Variants in IGSF11 observed in about 807,000 individuals in gnomAD.
IGSF11 encodes CXADR like 1.
Under a neutral mutation model 41.0 loss-of-function variants are expected in IGSF11, and 22 were observed. The observed-to-expected ratio is 0.54, with a 90% CI of 0.38 to 0.77. The LOEUF (loss-of-function observed/expected upper bound fraction) is 0.77. Among genes scored for constraint, IGSF11 ranks in the 30% least tolerant of loss-of-function variants. The probability of loss-of-function intolerance (pLI) is 0.00; values close to 1 mark genes in which losing one functional copy is unlikely to be tolerated. For synonymous variants in IGSF11, 219 were observed against 201.3 expected (o/e 1.09, Z -0.74); for missense variants, 444 against 530.8 (o/e 0.84, Z 1.61).
intron 1 of IGSF11, among the ~76,000 whole-genome samples, chr3:118,937,247 C>A (rs1354785315): frequency 6.6e-6 from 1 of 152,114 alleles, no homozygotes; most frequent in African/African-American, 2.4e-5. Context: ...GTATTTCTCA[C>A]ATAAATACAT....
At chr3:118,987,103 T>A (rs1935331801) in intron 1 of IGSF11, among the ~76,000 whole-genome samples, 1 of 152,186 alleles carries the variant, frequency 6.6e-6, no homozygotes, top group Non-Finnish European at 1.5e-5. Flanking sequence ...GTTAAATCCA[T>A]CACCATCCTT....
At chr3:119,035,903 C>T (rs534001678), upstream of IGSF11, among the ~76,000 whole-genome samples, 1 of 152,186 alleles carries the variant, frequency 6.6e-6, no homozygotes, top group South Asian at 2.1e-4. Flanking sequence ...AGAAATTGAG[C>T]CCTCATCTGG....
At chr3:118,971,199 T>C (rs1221883649) in intron 1 of IGSF11, among the ~76,000 whole-genome samples, 1 of 152,188 alleles carries the variant, frequency 6.6e-6, no homozygotes, top group East Asian at 1.9e-4. Context: ...ACGCTGTATT[T>C]ACAGGGGCAG....
In IGSF11 at chr3:119,006,464, C is replaced by T. The variant is rs538562543; in HGVS notation, c.52+28067G>A. ...CGTCTGAAGCCTTCTTCTCTCAGCT[C>T]GTCAAAATCATTCTCCATCCAGCTT... On this transcript the variant is annotated intron_variant, in intron 1 of 6. Transcript: ENST00000393775. 8.9e-4 allele frequency among the ~76,000 whole-genome samples: 113 copies of T among 126,702 alleles called. 1 individual carries two copies. The highest frequency in any genetic ancestry group is 3.6e-3 in the Middle Eastern group (1 of 278). The allele number at this position is 126,702 out of a possible 152,430, so 83.1% of individuals were successfully genotyped here.
chr3:118,998,880 T>C (rs1559764470), intron 1 of IGSF11, among the ~76,000 whole-genome samples: 1 of 152,146 alleles, frequency 6.6e-6, no homozygotes, highest in Non-Finnish European at 1.5e-5. Flanking sequence ...ACAAAGTTAT[T>C]CATTTTGGCA....
intron 1 of IGSF11, among the ~76,000 whole-genome samples, chr3:119,141,620 T>C (rs1427263543): frequency 1.3e-5 from 2 of 148,832 alleles, no homozygotes; most frequent in East Asian, 3.9e-4. Flanking sequence ...ATCTAATATA[T>C]TAGATACATT....
intron 1 of IGSF11, among the ~76,000 whole-genome samples, chr3:119,046,967 G>A (rs1339053415): frequency 7.0e-6 from 1 of 143,594 alleles, no homozygotes; most frequent in South Asian, 2.4e-4. Context: ...GTCAACACCA[G>A]GCCTGCCCTA....
chr3:118,944,457 TACACAC>T (rs3079206), intron 1 of IGSF11, among the ~76,000 whole-genome samples: 17,401 of 125,490 alleles, frequency 0.14, 1,624 homozygotes, highest in African/African-American at 0.28. Flanking sequence ...TAGCTTGAAA[TACACAC>T]ACACACACAC....
chr3:119,107,411 T>G (rs1327774909), upstream of IGSF11, among the ~76,000 whole-genome samples: 1 of 152,368 alleles, frequency 6.6e-6, no homozygotes, highest in African/African-American at 2.4e-5. Flanking sequence ...GTTCATATCC[T>G]TCACCCACTT....
upstream of IGSF11, among the ~76,000 whole-genome samples, chr3:119,105,742 T>C (rs567049850): frequency 1.4e-4 from 22 of 152,278 alleles, no homozygotes; most frequent in African/African-American, 4.1e-4. Flanking sequence ...ACTGATTTTT[T>C]TCCTCAATCT....
intron 1 of IGSF11, among the ~76,000 whole-genome samples, chr3:118,968,857 C>A (rs769131894): frequency 6.6e-6 from 1 of 152,190 alleles, no homozygotes; most frequent in Non-Finnish European, 1.5e-5. Context: ...TTGTCAGAGA[C>A]GGGAACAGTG....
At chr3:119,145,783 G>A (rs1426463122) in intron 1 of IGSF11, 5 of 170,880 alleles carry the variant, frequency 2.9e-5, no homozygotes, top group South Asian at 1.5e-4. Flanking sequence ...TTGGAGGTGC[G>A]GTGGGGGATG....
intron 1 of IGSF11, among the ~76,000 whole-genome samples, chr3:118,975,732 C>G (rs1486809095): frequency 6.6e-6 from 1 of 152,204 alleles, no homozygotes; most frequent in African/African-American, 2.4e-5. Flanking sequence ...ATGGACGCAG[C>G]TGGAGGCCAT....
chr3:119,063,157 A>G (rs1942106885), intron 1 of IGSF11, among the ~76,000 whole-genome samples: 1 of 152,174 alleles, frequency 6.6e-6, no homozygotes, highest in African/African-American at 2.4e-5. Context: ...CTAGTGGAAA[A>G]GGCAGAAATT....
intron 1 of IGSF11, among the ~76,000 whole-genome samples, chr3:119,045,854 T>G (rs1233533729): frequency 6.6e-6 from 1 of 151,832 alleles, no homozygotes; most frequent in Non-Finnish European, 1.5e-5. Context: ...CCGAGCAGCC[T>G]AACTGGGAGG....
At position 119,034,523 on chromosome 3, in the gene IGSF11, C is replaced by A; in HGVS notation, c.52+8G>T. ...CCCCACCGGGAAGAAAGGGCTGGAG[C>A]TACTCACCGTGCAGAGAGAGGAGCA... On this transcript the variant is annotated splice_region_variant and intron_variant, in intron 1 of 6. Transcript: ENST00000393775. 1 of 1,575,760 alleles carries A rather than the reference C, an allele frequency of 6.3e-7. No individual in the cohort carries two copies. Among genetic ancestry groups the A allele is most frequent in the Non-Finnish European group, 8.6e-7 (1 of 1,161,388 alleles).
intron 1 of IGSF11, among the ~76,000 whole-genome samples, chr3:118,953,422 T>C (rs1944721370): frequency 6.6e-6 from 1 of 152,180 alleles, no homozygotes; most frequent in African/African-American, 2.4e-5. Context: ...AGCAGTAGGA[T>C]TGCTGGATCA....
chr3:119,127,031 G>A (rs2077413667), intron 1 of IGSF11, among the ~76,000 whole-genome samples: 1 of 152,118 alleles, frequency 6.6e-6, no homozygotes, highest in Non-Finnish European at 1.5e-5. Context: ...AGGATCAGAT[G>A]AAAGAATTGA....
At chr3:119,129,991 A>C (rs901330491) in intron 1 of IGSF11, among the ~76,000 whole-genome samples, 1 of 152,172 alleles carries the variant, frequency 6.6e-6, no homozygotes, top group Non-Finnish European at 1.5e-5. Context: ...TCTTAAAAAA[A>C]ATTTTTTTTA....
Sources: allele counts gnomAD v4.1 joint callset (sites outside exome capture counted in the v4.1 genomes callset), GRCh38; gene constraint gnomAD v4.1.1; transcripts MANE v1.5; gene names NCBI Gene and HGNC (gene_info 2026-07-23, HGNC 2026-07-21).